The following MED12 variants were observed in gnomAD, a reference collection of about 807,000 sequenced individuals.
MED12 encodes mediator complex subunit 12.
Under a neutral mutation model 177.7 loss-of-function variants are expected in MED12, and 10 were observed. That is an observed-to-expected ratio of 0.06 (90% CI 0.03 to 0.10). MED12 has a LOEUF of 0.10. Ranked by LOEUF, MED12 falls within the 10% of genes least tolerant of loss-of-function variation. The probability of loss-of-function intolerance (pLI) is 1.00; values close to 1 mark genes in which losing one functional copy is unlikely to be tolerated. For missense variants in MED12, 867 were observed against 1,780.8 expected (o/e 0.49, Z 9.23); for synonymous variants, 641 against 678.4 (o/e 0.94, Z 0.86).
rs2092350414 is a variant in MED12, at chrX:71,142,374, G to C, written c.*156G>C. 1.9e-6 allele frequency: 1 copy of C among 513,966 alleles called. No homozygotes were observed. Among genetic ancestry groups the C allele is most frequent in the South Asian group, 3.0e-5 (1 of 32,851 alleles). The allele number at this position is 513,966 out of a possible 1,213,427, so 42.4% of individuals were successfully genotyped here. A position where few individuals can be genotyped will look rare whatever the true frequency, so the allele number is the denominator to read the frequency against. On this transcript the variant is annotated 3_prime_UTR_variant, in exon 45 of 45. Transcript: ENST00000374080. ...AGTATTTTTGTTAATGTGAGGCATT[G>C]AGCTGTTGGGTTTTGTATATTATTT...
At chrX:71,131,275 G>A (rs1009231430) in intron 28 of MED12, among the ~76,000 whole-genome samples, 3 of 110,303 alleles carry the variant, frequency 2.7e-5, no homozygotes, top group African/African-American at 6.6e-5. Flanking sequence ...ATTACAGGTC[G>A]CCCATCACCA....
At chrX:71,124,949 T>C in intron 14 of MED12, 27 bp from the exon 15 acceptor site, 1 of 1,208,932 alleles carries the variant, frequency 8.3e-7, no homozygotes, top group Non-Finnish European at 1.1e-6. Flanking sequence ...CTTCTTCTCA[T>C]GTTCTGCTTT....
intron 41 of MED12, 59 bp downstream of exon 41, chrX:71,138,002 T>C: frequency 9.0e-7 from 1 of 1,106,564 alleles, no homozygotes; most frequent in South Asian, 1.8e-5. Context: ...GCATTTGACT[T>C]GGGAAAGCCT....
chrX:71,130,221 C>T lies in MED12; in HGVS notation c.4047+7C>T. ...CATAAAGCGCATTCTCCAGGTAGGCCAAGGCCGTGGGGGCTGTGGAGGAAG... is the reference window on the plus strand; with the variant it reads ...CATAAAGCGCATTCTCCAGGTAGGCTAAGGCCGTGGGGGCTGTGGAGGAAG... On this transcript the variant is annotated splice_region_variant and intron_variant, in intron 28 of 44. Coordinates refer to ENST00000374080, the MANE Select transcript of MED12 (RefSeq NM_005120.3). 8.3e-7 allele frequency: 1 copy of T among 1,201,919 alleles called. No homozygotes were observed. The highest frequency in any genetic ancestry group is 1.1e-6 in the Non-Finnish European group (1 of 890,401).
Position 71,142,357 on chromosome X carries a change from T to C in MED12, c.*139T>C. On this transcript the variant is annotated 3_prime_UTR_variant, in exon 45 of 45. Coordinates refer to ENST00000374080, the MANE Select transcript of MED12 (RefSeq NM_005120.3). ...ATTTTTAATAAGTTTTTAGTATTTT[T>C]GTTAATGTGAGGCATTGAGCTGTTG... The C allele has an allele frequency of 1.6e-6, 1 of 615,078 alleles. No homozygotes were observed. The highest frequency in any genetic ancestry group is 2.6e-6 in the Non-Finnish European group (1 of 386,231). 50.7% of individuals were successfully genotyped at this position (615,078 alleles called of 1,213,427 possible). A position where few individuals can be genotyped will look rare whatever the true frequency, so the allele number is the denominator to read the frequency against.
rs184041646 is a variant in MED12, at chrX:71,123,494, A to C, written c.1618-100A>C. 3.5e-4 allele frequency: 362 copies of C among 1,026,020 alleles called. 1 individual carries two copies. The African/African-American group carries it at 5.7e-3, about 16-fold the overall frequency. The allele number at this position is 1,026,020 out of a possible 1,213,427, so 84.6% of individuals were successfully genotyped here. On this transcript the variant is annotated intron_variant, in intron 11 of 44. Coordinates refer to ENST00000374080, the MANE Select transcript of MED12 (RefSeq NM_005120.3). ...CAGCAGGGGAATGAAAGTGAAAAGC[A>C]TGGGGTAGAGGTCAAGCAGGTGGTA...
rs761189421 is a variant in MED12, at chrX:71,136,931, C to T, written c.5453C>T (p.Pro1818Leu). The T allele has an allele frequency of 3.3e-6, 4 of 1,208,026 alleles. No individual in the cohort carries two copies. Among genetic ancestry groups the T allele is most frequent in the African/African-American group, 1.8e-5 (1 of 56,656 alleles). Residue 1818 changes from proline (P) to leucine (L), a missense_variant, in exon 38 of 45, where the codon CCG (proline) becomes CTG (leucine). This residue lies in a region of MED12 where 236 missense variants were observed against 345.2 expected (regional missense o/e 0.68). Coordinates refer to ENST00000374080, the MANE Select transcript of MED12 (RefSeq NM_005120.3). ...RSGPYGVTVP[P>L]DLLHHPNPGS... ...GGCCCTTATGGTGTGACAGTGCCTC[C>T]GGACCTCCTGCACCACCCAAACCCT...
intron 30 of MED12, 22 bp from the exon 31 acceptor site, chrX:71,132,355 G>C (rs373547413): frequency 8.3e-7 from 1 of 1,209,681 alleles, no homozygotes; most frequent in Non-Finnish European, 1.1e-6. Context: ...CTGTGACCCT[G>C]TGTCCTCTGT....
intron 17 of MED12, 23 bp downstream of exon 17, chrX:71,125,736 C>T (rs2092301369): frequency 8.5e-7 from 1 of 1,175,032 alleles, no homozygotes; most frequent in Non-Finnish European, 1.2e-6. Flanking sequence ...AAGCCCCATA[C>T]TGCCCTCCCT....
At chrX:71,141,133 C>G in intron 42 of MED12, 97 bp from the exon 43 acceptor site, 1 of 1,159,973 alleles carries the variant, frequency 8.6e-7, no homozygotes, top group Non-Finnish European at 1.1e-6. Context: ...ACCCCGAGCT[C>G]CCACCCTGCT....
In MED12 at chrX:71,126,999, G is replaced by A; in HGVS notation, c.2716G>A (p.Glu906Lys). Reference protein sequence around the residue: ...LLNELSVVEAELLLKSSDLVG... With the variant: ...LLNELSVVEAKLLLKSSDLVG... The stretch of plus-strand genomic sequence containing the variant: ...GAATGAACTGAGTGTAGTTGAGGCT[G>A]AGCTGCTTCTCAAATCCTCGGATCT... The change falls in exon 20 of 45, where the codon GAG becomes AAG. Residue 906 changes from glutamate to lysine, a missense_variant. By Grantham distance (56) the Glu-to-Lys change is moderately conservative. Transcript: ENST00000374080. The A allele has an allele frequency of 8.3e-7, 1 of 1,211,470 alleles. No individual in the cohort carries two copies. Among genetic ancestry groups the A allele is most frequent in the Non-Finnish European group, 1.1e-6 (1 of 894,990 alleles).
chrX:71,122,360 C>T lies in MED12; in HGVS notation c.1248+14C>T, dbSNP rs1439435819. 4.1e-6 allele frequency: 5 copies of T among 1,209,559 alleles called. No homozygotes were observed. In the East Asian group the frequency reaches 1.5e-4, roughly 36 times the overall value. On this transcript the variant is annotated intron_variant, in intron 8 of 44. Coordinates refer to ENST00000374080, the MANE Select transcript of MED12 (RefSeq NM_005120.3). ...TTCACTCAGCAGGTATGTCTGACCACTAGCCTGGTACTCTCAGATTGGGCT... is the reference window on the plus strand; with the variant it reads ...TTCACTCAGCAGGTATGTCTGACCATTAGCCTGGTACTCTCAGATTGGGCT...
At chrX:71,129,630 C>T (rs1045047606) in intron 26 of MED12, 50 bp from the exon 27 acceptor site, 41 of 1,160,144 alleles carry the variant, frequency 3.5e-5, no homozygotes, top group Middle Eastern at 3.0e-4. Context: ...GGTCTCCACA[C>T]GTGTTCCAAT....
At chrX:71,126,920 G>T in intron 19 of MED12, 49 bp from the exon 20 acceptor site, 1 of 1,177,814 alleles carries the variant, frequency 8.5e-7, no homozygotes, top group African/African-American at 1.7e-5. Context: ...TGGTTTCTAT[G>T]TAACACAAGG....
At chrX:71,137,446 G>A in intron 39 of MED12, 63 bp downstream of exon 39, 1 of 1,165,326 alleles carries the variant, frequency 8.6e-7, no homozygotes, top group East Asian at 3.0e-5. Context: ...GAGGGTCACA[G>A]GACGGAGGAG....
At chrX:71,138,495 T>G (rs1295151427) in intron 41 of MED12, among the ~76,000 whole-genome samples, 1 of 109,711 alleles carries the variant, frequency 9.1e-6, no homozygotes, top group Non-Finnish European at 1.9e-5. Flanking sequence ...CCCAGCTAAT[T>G]TTTTGGATTT....
chrX:71,118,947 C>A, intron 1 of MED12, 94 bp downstream of exon 1: 1 of 656,399 alleles, frequency 1.5e-6, no homozygotes, highest in East Asian at 6.0e-5. Context: ...CGGGGCGGTT[C>A]GGTGAGAGCA....
chrX:71,127,373 G>C lies in MED12; in HGVS notation c.2887G>C (p.Asp963His), dbSNP rs1438342565. 8.3e-7 allele frequency: 1 copy of C among 1,208,916 alleles called. No individual in the cohort carries two copies. The highest frequency in any genetic ancestry group is 1.1e-6 in the Non-Finnish European group (1 of 894,288). Reference protein sequence around the residue: ...GVVKHGMNRSDGSSAERCILA... With the variant: ...GVVKHGMNRSHGSSAERCILA... ...CGTGAAGCATGGGATGAACCGGTCC[G>C]ATGGCTCCTCTGCAGAGCGCTGTAT... is the stretch of plus-strand genomic sequence containing the variant. Residue 963 changes from aspartate to histidine, a missense_variant, in exon 21 of 45, where the codon GAT becomes CAT. This residue lies in a region of MED12 where 70 missense variants were observed against 143.6 expected (regional missense o/e 0.49). Transcript: ENST00000374080.
intron 19 of MED12, among the ~76,000 whole-genome samples, 174 bp from the exon 20 acceptor site, chrX:71,126,795 A>G (rs1230456653): frequency 8.9e-6 from 1 of 112,412 alleles, no homozygotes; most frequent in Admixed American, 9.4e-5. Flanking sequence ...ACAATAAACT[A>G]TCAATAGAGG....
Sources: allele counts gnomAD v4.1 joint callset (sites outside exome capture counted in the v4.1 genomes callset), GRCh38; gene constraint gnomAD v4.1.1; regional missense constraint gnomAD v4.1.1; transcripts MANE v1.5; gene names NCBI Gene and HGNC (gene_info 2026-07-23, HGNC 2026-07-21).